Variants in NEDD9 observed in about 807,000 individuals in gnomAD.
NEDD9 encodes enhancer of filamentation 1.
NEDD9 carries 26 observed loss-of-function variants against 76.6 expected under a neutral mutation model. The observed-to-expected ratio is 0.34, with a 90% CI of 0.25 to 0.47. NEDD9 has a LOEUF of 0.47. NEDD9 is among the 20% of genes least tolerant of loss of function. NEDD9 has a pLI of 1.00. For synonymous variants in NEDD9, 392 were observed against 414.2 expected, an observed-to-expected ratio of 0.95 and a Z score of 0.65; for missense variants, 937 against 1,058.5, an observed-to-expected ratio of 0.89 and a Z score of 1.59.
At chr6:11,256,122 C>T (rs1310909072) in intron 3 of NEDD9, among the ~76,000 whole-genome samples, 1 of 152,134 alleles carries the variant, frequency 6.6e-6, no homozygotes, top group African/African-American at 2.4e-5. Context: ...CATAACTGAA[C>T]AACAGCAACT....
intron 4 of NEDD9, among the ~76,000 whole-genome samples, chr6:11,191,554 A>G (rs1581944402): frequency 1.3e-5 from 2 of 152,258 alleles, no homozygotes; most frequent in Middle Eastern, 6.8e-3. Context: ...CTTTTTGGTT[A>G]TCACACCAGC....
At position 11,198,350 on chromosome 6, in the gene NEDD9, C is replaced by T. The variant is rs550385882; in HGVS notation, c.460-4658G>A. ...CCCCCAGGCTCTGCACCAACTCCCT[C>T]CCTCGGCGAGAACTGAGCTGTCCAT... On this transcript the variant is annotated intron_variant, in intron 2 of 6. Coordinates refer to ENST00000379446, the MANE Select transcript of NEDD9 (RefSeq NM_006403.4). This position sits in a 1 kb window ranked among gnomAD's most constrained non-coding sequence, Gnocchi z 4.7. The T allele has an allele frequency of 1.3e-5, 2 of 152,374 alleles. No homozygotes were observed. Among genetic ancestry groups the T allele is most frequent in the African/African-American group, 4.8e-5 (2 of 41,576 alleles). The allele number at this position is 152,374 out of a possible 1,614,324, so 9.4% of individuals were successfully genotyped here.
At chr6:11,234,491 C>T (rs1581975663), upstream of NEDD9, among the ~76,000 whole-genome samples, 1 of 152,110 alleles carries the variant, frequency 6.6e-6, no homozygotes, top group Non-Finnish European at 1.5e-5. Flanking sequence ...TGTTTTCAAA[C>T]AGTTTCCTAA....
At chr6:11,188,094 G>A (rs1758021793) in intron 6 of NEDD9, 124 bp downstream of exon 6, 5 of 781,386 alleles carry the variant, frequency 6.4e-6, no homozygotes, top group Admixed American at 4.1e-5. Flanking sequence ...TCCGTGCTTT[G>A]GAGCTGATTC....
At chr6:11,283,957 G>T (rs1760590147) in intron 3 of NEDD9, among the ~76,000 whole-genome samples, 1 of 152,142 alleles carries the variant, frequency 6.6e-6, no homozygotes, top group South Asian at 2.1e-4. Flanking sequence ...TGTATGAAAG[G>T]TGATCTGGTC....
At chr6:11,191,396 C>G (rs1561780584) in intron 4 of NEDD9, among the ~76,000 whole-genome samples, 191 bp from the exon 5 acceptor site, 1 of 151,922 alleles carries the variant, frequency 6.6e-6, no homozygotes, top group African/African-American at 2.4e-5. Context: ...TCCAACCCCA[C>G]GTTCTTGGTG....
chr6:11,258,819 C>T (rs1760055267), intron 3 of NEDD9: 1 of 152,240 alleles, frequency 6.6e-6, no homozygotes, highest in South Asian at 2.1e-4. Context: ...TATTACTTCA[C>T]AGGTCTCTGG....
chr6:11,281,715 G>A (rs193149226), intron 3 of NEDD9, among the ~76,000 whole-genome samples: 81 of 152,188 alleles, frequency 5.3e-4, no homozygotes, highest in African/African-American at 1.8e-3. Context: ...GAGCCAATGA[G>A]ATAACCAACC....
chr6:11,357,212 T>C (rs1037940220), intron 1 of NEDD9, among the ~76,000 whole-genome samples: 5 of 152,192 alleles, frequency 3.3e-5, no homozygotes, highest in Non-Finnish European at 5.9e-5. Context: ...CTGGCTGCTC[T>C]AACCCTTTAC....
At chr6:11,316,792 G>A (rs570598069) in intron 2 of NEDD9, among the ~76,000 whole-genome samples, 5 of 152,304 alleles carry the variant, frequency 3.3e-5, no homozygotes, top group South Asian at 2.1e-4. Flanking sequence ...AAGGAGAACC[G>A]AAAGAGCATA....
At chr6:11,309,454 G>C (rs1213310933) in intron 2 of NEDD9, among the ~76,000 whole-genome samples, 1 of 152,088 alleles carries the variant, frequency 6.6e-6, no homozygotes, top group Non-Finnish European at 1.5e-5. Flanking sequence ...TGCCTTCCTT[G>C]TTTCTTTGTG....
intron 1 of NEDD9, among the ~76,000 whole-genome samples, chr6:11,335,900 T>A (rs942345477): frequency 7.9e-5 from 12 of 152,202 alleles, no homozygotes; most frequent in African/African-American, 2.7e-4. Context: ...TCTTCCAGGG[T>A]TTCCTGGAGG....
chr6:11,279,465 G>A (rs1321170319), intron 3 of NEDD9, among the ~76,000 whole-genome samples: 4 of 152,228 alleles, frequency 2.6e-5, no homozygotes, highest in Non-Finnish European at 5.9e-5. Flanking sequence ...CGGGAAAAGC[G>A]AAGGCTTCGT....
At chr6:11,257,475 T>A (rs750649956) in intron 3 of NEDD9, among the ~76,000 whole-genome samples, 53 of 152,298 alleles carry the variant, frequency 3.5e-4, no homozygotes, top group Admixed American at 7.8e-4. Flanking sequence ...GAGGCAACCC[T>A]GGAATTAGCC....
chr6:11,275,565 C>CACACACACACACACACATATAT (rs551632582), intron 3 of NEDD9, among the ~76,000 whole-genome samples: 185 of 150,274 alleles, frequency 1.2e-3, no homozygotes, highest in African/African-American at 3.8e-3. Flanking sequence ...CACACACACA[C>CACACACACACACACACATATAT]ATATATATAT....
At chr6:11,270,908 G>A (rs1760292940) in intron 3 of NEDD9, among the ~76,000 whole-genome samples, 1 of 152,220 alleles carries the variant, frequency 6.6e-6, no homozygotes, top group South Asian at 2.1e-4. Context: ...AAGCAGAGGA[G>A]TTAGATGACT....
At chr6:11,304,398 C>T (rs1408031738) in intron 3 of NEDD9, among the ~76,000 whole-genome samples, 6 of 152,298 alleles carry the variant, frequency 3.9e-5, no homozygotes, top group African/African-American at 1.2e-4. Flanking sequence ...GACAATGTGG[C>T]GGTTCCTCAA....
At chr6:11,305,024 C>G (rs776211160) in intron 3 of NEDD9, 1 of 1,194,946 alleles carries the variant, frequency 8.4e-7, no homozygotes, top group South Asian at 1.3e-5. Context: ...CCTTTTGTTA[C>G]TTATCAAATT....
chr6:11,231,772 A>T (rs779663819), intron 1 of NEDD9, among the ~76,000 whole-genome samples: 1 of 152,178 alleles, frequency 6.6e-6, no homozygotes, highest in African/African-American at 2.4e-5. Context: ...AAATCCACAA[A>T]CAATGGTGTA....
Sources: gnomAD v4.1 joint callset for allele counts (sites outside exome capture counted in the v4.1 genomes callset) on GRCh38, gnomAD v4.1.1 for gene constraint, Gnocchi (gnomAD v3.1) non-coding constraint, MANE v1.5 for transcripts, NCBI Gene and HGNC (gene_info 2026-07-23, HGNC 2026-07-21) for gene names.